Variants in AGBL4 observed in about 807,000 individuals in gnomAD.
AGBL4 encodes the protein AGBL carboxypeptidase 4.
AGBL4 carries 58 observed loss-of-function variants against 66.4 expected under a neutral mutation model. The ratio of observed to expected loss-of-function variants is 0.87; its 90% CI spans 0.71 to 1.09. The LOEUF is 1.09. AGBL4 is among the 50% of genes least tolerant of loss of function. The pLI, the probability that AGBL4 is intolerant of heterozygous loss-of-function variation, is 0.00. For missense variants in AGBL4, 579 were observed against 631.0 expected, an observed-to-expected ratio of 0.92 and a Z score of 0.88; for synonymous variants, 234 against 222.9, an observed-to-expected ratio of 1.05 and a Z score of -0.44.
At chr1:48,801,085 C>A (rs1227479813) in intron 6 of AGBL4, among the ~76,000 whole-genome samples, 3 of 152,096 alleles carry the variant, frequency 2.0e-5, no homozygotes, top group African/African-American at 7.2e-5. Flanking sequence ...TACAGGTTTC[C>A]AGGGAAGTAG....
At chr1:48,784,064 C>T (rs967336519) in intron 6 of AGBL4, among the ~76,000 whole-genome samples, 3 of 152,056 alleles carry the variant, frequency 2.0e-5, no homozygotes, top group Admixed American at 6.6e-5. Flanking sequence ...TGATAAGTAA[C>T]GTCTATTCTT....
chr1:49,006,442 G>T (rs551266401), intron 5 of AGBL4, among the ~76,000 whole-genome samples: 112 of 152,300 alleles, frequency 7.4e-4, no homozygotes, highest in African/African-American at 2.6e-3. Flanking sequence ...CGGCAGCGAG[G>T]CTGGGGGAGG....
chr1:49,311,752 A>G (rs1644945412), intron 3 of AGBL4, among the ~76,000 whole-genome samples: 1 of 152,034 alleles, frequency 6.6e-6, no homozygotes, highest in South Asian at 2.1e-4. Flanking sequence ...AATTCCAGGT[A>G]TCATCTTTCA....
At chr1:49,897,944 C>T (rs1233188488) in intron 1 of AGBL4, among the ~76,000 whole-genome samples, 4 of 151,618 alleles carry the variant, frequency 2.6e-5, no homozygotes, top group African/African-American at 9.7e-5. Flanking sequence ...CTCTTTTTTT[C>T]CATGTACAAA....
At chr1:49,030,449 A>G (rs1170177631) in intron 5 of AGBL4, among the ~76,000 whole-genome samples, 3 of 152,122 alleles carry the variant, frequency 2.0e-5, no homozygotes, top group Non-Finnish European at 2.9e-5. Flanking sequence ...GGGGTCCCCA[A>G]CCAGGATACT....
intron 4 of AGBL4, among the ~76,000 whole-genome samples, chr1:49,129,737 A>G (rs906696804): frequency 8.5e-5 from 13 of 152,118 alleles, no homozygotes; most frequent in Admixed American, 3.9e-4. Flanking sequence ...GGTTGGTTCC[A>G]AGTCTTTGCT....
rs138771978 is a variant in AGBL4 at position 49,741,046 on chromosome 1, G to A, written c.158-43609C>T. Among the ~76,000 whole-genome samples the A allele has an allele frequency of 2.7e-3, 406 of 151,954 alleles. 2 individuals are homozygous for A. The highest frequency in any genetic ancestry group is 9.4e-3 in the African/African-American group (390 of 41,502). On this transcript the variant is annotated intron_variant, in intron 2 of 13. Coordinates refer to ENST00000371839, the MANE Select transcript of AGBL4 (RefSeq NM_032785.4). ...CTAGCAGAAGGCAAGAAATAACTAC[G>A]ATCAGAGCAGAACTGAAGTAGATAG...
rs1023222355 is a variant in AGBL4 at position 49,569,236 on chromosome 1, T to C, written c.282+128077A>G. 5.3e-5 allele frequency among the ~76,000 whole-genome samples: 8 copies of C among 152,034 alleles called. 1 individual carries two copies. Among genetic ancestry groups the C allele is most frequent in the African/African-American group, 1.4e-4 (6 of 41,396 alleles). On this transcript the variant is annotated intron_variant, in intron 3 of 13. Transcript: ENST00000371839. ...GGTTACCAGAGTCTGGGAAGGGTAG[T>C]TGGGGGCTGGGGCAGGGGTAGGATG...
At chr1:48,637,867 G>A (rs1478239426) in intron 8 of AGBL4, among the ~76,000 whole-genome samples, 1 of 152,122 alleles carries the variant, frequency 6.6e-6, no homozygotes, top group African/African-American at 2.4e-5. Context: ...CCCCTATATT[G>A]TCCACTTCCC....
chr1:48,971,734 A>T (rs1658920605), intron 5 of AGBL4, among the ~76,000 whole-genome samples: 1 of 152,202 alleles, frequency 6.6e-6, no homozygotes, highest in African/African-American at 2.4e-5. Flanking sequence ...ATGGTTAAAA[A>T]GATGTACACA....
intron 1 of AGBL4, among the ~76,000 whole-genome samples, chr1:50,010,029 C>G (rs564440010): frequency 1.6e-4 from 25 of 152,142 alleles, no homozygotes; most frequent in African/African-American, 5.8e-4. Flanking sequence ...GATATTCGGC[C>G]AGGCGCAGTG....
chr1:48,891,476 C>T (rs1650961604), intron 5 of AGBL4, among the ~76,000 whole-genome samples: 1 of 152,154 alleles, frequency 6.6e-6, no homozygotes, highest in Non-Finnish European at 1.5e-5. Context: ...AACCTGGTCC[C>T]TGGCATCAAG....
chr1:49,855,174 T>A (rs1457095407), intron 1 of AGBL4, among the ~76,000 whole-genome samples: 1 of 152,152 alleles, frequency 6.6e-6, no homozygotes, highest in African/African-American at 2.4e-5. Flanking sequence ...AACAAAAAGG[T>A]TATTATGTAA....
At chr1:49,550,851 T>C (rs1652896128) in intron 3 of AGBL4, among the ~76,000 whole-genome samples, 1 of 152,200 alleles carries the variant, frequency 6.6e-6, no homozygotes, top group South Asian at 2.1e-4. Context: ...TCTAGGTTTC[T>C]AGCAAGGCTG....
At chr1:48,534,501 T>C (rs1643937840) in intron 13 of AGBL4, among the ~76,000 whole-genome samples, 1 of 152,176 alleles carries the variant, frequency 6.6e-6, no homozygotes, top group Non-Finnish European at 1.5e-5. Context: ...GAGGGGATAA[T>C]TGTATAAAAT....
chr1:48,679,935 T>C (rs1238216423), intron 6 of AGBL4, among the ~76,000 whole-genome samples: 1 of 152,248 alleles, frequency 6.6e-6, no homozygotes, highest in Non-Finnish European at 1.5e-5. Flanking sequence ...CTGTGTGCTA[T>C]ACCTCTCCTG....
intron 6 of AGBL4, among the ~76,000 whole-genome samples, chr1:48,711,586 G>T (rs1646967953): frequency 6.6e-6 from 1 of 152,242 alleles, no homozygotes; most frequent in Middle Eastern, 3.4e-3. Flanking sequence ...AGCAATTGCT[G>T]CTCACCCCCG....
chr1:49,170,452 A>G (rs879422018), intron 4 of AGBL4, among the ~76,000 whole-genome samples: 1 of 143,026 alleles, frequency 7.0e-6, no homozygotes, highest in Non-Finnish European at 1.5e-5. Flanking sequence ...ATATGTTTAT[A>G]TAATATATAA....
chr1:49,126,939 G>C (rs1645776840), intron 4 of AGBL4, among the ~76,000 whole-genome samples: 1 of 152,014 alleles, frequency 6.6e-6, no homozygotes, highest in Non-Finnish European at 1.5e-5. Flanking sequence ...TGTCATAAAA[G>C]ACCCTAGACA....
Sources: gnomAD v4.1 joint callset for allele counts (sites outside exome capture counted in the v4.1 genomes callset) on GRCh38, gnomAD v4.1.1 for gene constraint, MANE v1.5 for transcripts, NCBI Gene and HGNC (gene_info 2026-07-23, HGNC 2026-07-21) for gene names.